The following SYNE1 variants were observed in gnomAD, a reference collection of about 807,000 sequenced individuals.
The protein encoded by SYNE1 is spectrin repeat containing nuclear envelope protein 1, also known as nesprin-1.
Under a neutral mutation model 1,111.0 loss-of-function variants are expected in SYNE1, and 616 were observed. The observed-to-expected ratio is 0.55, with a 90% CI of 0.52 to 0.59. The LOEUF is 0.59. SYNE1 is among the 20% of genes least tolerant of loss of function. SYNE1 has a pLI of 0.00. For synonymous variants in SYNE1, 3,855 were observed against 3,825.8 expected (o/e 1.01, Z -0.28); for missense variants, 10,006 against 10,417.0 (o/e 0.96, Z 1.72).
intron 97 of SYNE1, among the ~76,000 whole-genome samples, chr6:152,278,607 C>T (rs899832508): frequency 2.6e-5 from 4 of 152,136 alleles, no homozygotes; most frequent in African/African-American, 4.8e-5. Context: ...GGACTACAGG[C>T]GCCCACCACT....
At chr6:152,588,051 C>T (rs2099546296) in intron 3 of SYNE1, among the ~76,000 whole-genome samples, 1 of 152,106 alleles carries the variant, frequency 6.6e-6, no homozygotes, top group Non-Finnish European at 1.5e-5. Flanking sequence ...GACATAGATG[C>T]CGTAAAATTT....
chr6:152,359,307 T>C lies in SYNE1; in HGVS notation c.10443+8A>G, dbSNP rs909602004. 2.5e-6 allele frequency: 4 copies of C among 1,613,564 alleles called. No homozygotes were observed. The African/African-American group carries it at 4.0e-5, about 16-fold the overall frequency. Reference sequence around the variant, plus strand: ...TGGTGAGTCTACAAGGAAAGTGCTTTGCCGTACCTTGGCCCTCTCTTGGAT... The same window carrying C: ...TGGTGAGTCTACAAGGAAAGTGCTTCGCCGTACCTTGGCCCTCTCTTGGAT... On this transcript the variant is annotated splice_region_variant and intron_variant, in intron 65 of 145. Transcript: ENST00000367255.
intron 107 of SYNE1, among the ~76,000 whole-genome samples, chr6:152,240,504 T>A (rs1225453970): frequency 6.6e-6 from 1 of 152,328 alleles, no homozygotes; most frequent in East Asian, 1.9e-4. Flanking sequence ...ATCCTACTAA[T>A]GTTTTTGAAA....
Position 152,180,152 on chromosome 6 carries a change from A to C in SYNE1, c.23444T>G (p.Ile7815Arg). The change falls in exon 129 of 146, where the codon ATA (isoleucine) becomes AGA (arginine). Residue 7815 changes from isoleucine to arginine, a missense_variant. Ile to Arg is a moderately conservative substitution (Grantham distance 97). Transcript: ENST00000367255. The part of the protein sequence containing the change: ...QNGDILIEEM[I>R]EKLKKDYQEE... The stretch of plus-strand genomic sequence containing the variant: ...ATTCCATACCTTCTTGAGCTTCTCT[A>C]TCATTTCTTCAATGAGAATGTCTCC... The C allele has an allele frequency of 6.2e-7, 1 of 1,614,114 alleles. No homozygotes were observed. The highest frequency in any genetic ancestry group is 8.5e-7 in the Non-Finnish European group (1 of 1,180,008).
chr6:152,311,026 C>A, intron 87 of SYNE1, 153 bp from the exon 88 acceptor site: 1 of 737,234 alleles, frequency 1.4e-6, no homozygotes, highest in Non-Finnish European at 2.3e-6. Context: ...ACTTGGTAGC[C>A]ACTTACTATT....
intron 104 of SYNE1, among the ~76,000 whole-genome samples, chr6:152,250,210 G>A (rs972992838): frequency 1.3e-5 from 2 of 151,482 alleles, no homozygotes; most frequent in Non-Finnish European, 2.9e-5. Context: ...GTTGAAGTGA[G>A]CTATGATCAC....
chr6:152,363,305 T>A (rs1336733918), intron 63 of SYNE1, among the ~76,000 whole-genome samples: 1 of 145,548 alleles, frequency 6.9e-6, no homozygotes, highest in Non-Finnish European at 1.5e-5. Flanking sequence ...CCATCCTGGC[T>A]AACACAGTGA....
At position 152,410,635 on chromosome 6, in the gene SYNE1, G is replaced by A. The variant is rs2098016042; in HGVS notation, c.6231-926C>T. ...CTGTAATCCTACTTAGGAGGCTAAG[G>A]CATGAGAAAGGCTTGAACTCGGGTG... On this transcript the variant is annotated intron_variant, in intron 42 of 145. Coordinates refer to ENST00000367255, the MANE Select transcript of SYNE1 (RefSeq NM_182961.4). Among the ~76,000 whole-genome samples, 4 of 152,156 alleles carry A rather than the reference G, an allele frequency of 2.6e-5. No individual in the cohort carries two copies. In the South Asian group the frequency reaches 8.3e-4, roughly 32 times the overall value.
chr6:152,391,270 C>T lies in SYNE1; in HGVS notation c.8004+7G>A. The T allele has an allele frequency of 6.2e-7, 1 of 1,613,868 alleles. No individual in the cohort carries two copies. Among genetic ancestry groups the T allele is most frequent in the East Asian group, 2.2e-5 (1 of 44,870 alleles). ...AGTTGTCAGTGTCTGGCTGGTGTCG[C>T]ATGTACCTGTATTTGTGACAGCCGT... On this transcript the variant is annotated splice_region_variant and intron_variant, in intron 52 of 145. Transcript: ENST00000367255.
intron 127 of SYNE1, among the ~76,000 whole-genome samples, chr6:152,196,521 T>C (rs2074160970): frequency 6.6e-6 from 1 of 152,042 alleles, no homozygotes; most frequent in Non-Finnish European, 1.5e-5. Context: ...GACTAGGTCC[T>C]TCCCTTCAAT....
rs6557215 is a variant in SYNE1, at chr6:152,361,973, A to G, written c.10299+197T>C. Among the ~76,000 whole-genome samples, 126,941 of 152,176 alleles carry G rather than the reference A, an allele frequency of 0.83. 53,107 individuals are homozygous for G. The highest frequency in any genetic ancestry group is 0.9 in the African/African-American group (37,243 of 41,528). ...GGATCTACATGGTTTTCCTGGAAGG[A>G]AAAATTTTCACTCACTAATAAAGTA... On this transcript the variant is annotated intron_variant, in intron 64 of 145. Coordinates refer to ENST00000367255, the MANE Select transcript of SYNE1 (RefSeq NM_182961.4).
chr6:152,443,816 T>G (rs1290122199), intron 30 of SYNE1, among the ~76,000 whole-genome samples: 2 of 152,224 alleles, frequency 1.3e-5, no homozygotes, highest in African/African-American at 2.4e-5. Context: ...TATATTCCTT[T>G]TATGCAAACA....
At position 152,208,171 on chromosome 6, in the gene SYNE1, T is replaced by C; in HGVS notation, c.22625A>G (p.Asn7542Ser). ...EFNLKLTLLS[N>S]QWQGVIRRAQ... ...CCTGCGAATCACTCCCTGCCATTGA[T>C]TACTGAGGAGTGTCAATTTCAGGTT... The change falls in exon 125 of 146, where the codon AAT becomes AGT. Residue 7542 changes from asparagine (N) to serine (S), a missense_variant. Physicochemically the swap from Asn to Ser is conservative, Grantham distance 46. Coordinates refer to ENST00000367255, the MANE Select transcript of SYNE1 (RefSeq NM_182961.4). The C allele has an allele frequency of 6.2e-7, 1 of 1,614,108 alleles. No individual in the cohort carries two copies. Among genetic ancestry groups the C allele is most frequent in the Non-Finnish European group, 8.5e-7 (1 of 1,180,016 alleles).
At chr6:152,497,953 T>TACAC (rs138684478) in intron 11 of SYNE1, among the ~76,000 whole-genome samples, 2 of 151,388 alleles carry the variant, frequency 1.3e-5, no homozygotes, top group East Asian at 3.9e-4. Flanking sequence ...CATTCACTCA[T>TACAC]ACACACACAC....
intron 3 of SYNE1, among the ~76,000 whole-genome samples, chr6:152,579,628 G>A (rs2099512709): frequency 6.6e-6 from 1 of 152,152 alleles, no homozygotes; most frequent in Admixed American, 6.5e-5. Flanking sequence ...CAGGTAATGA[G>A]CGTAGTACTC....
intron 112 of SYNE1, 149 bp downstream of exon 112, chr6:152,233,632 A>G: frequency 9.8e-7 from 1 of 1,018,284 alleles, no homozygotes; most frequent in Non-Finnish European, 1.5e-6. Flanking sequence ...GCCAGAGTTC[A>G]CTCTTAATAT....
intron 3 of SYNE1, among the ~76,000 whole-genome samples, 186 bp downstream of exon 3, chr6:152,628,079 C>T (rs2099689793): frequency 7.0e-6 from 1 of 142,384 alleles, no homozygotes; most frequent in Non-Finnish European, 1.5e-5. Flanking sequence ...TTTATCTTTT[C>T]CTTCTATGTA....
intron 30 of SYNE1, among the ~76,000 whole-genome samples, chr6:152,443,229 A>G (rs1453909664): frequency 1.3e-5 from 2 of 152,196 alleles, no homozygotes; most frequent in East Asian, 3.9e-4. Context: ...CCATTTCACA[A>G]TGATTGAGAA....
intron 16 of SYNE1, among the ~76,000 whole-genome samples, chr6:152,467,277 T>C (rs2098775783): frequency 6.6e-6 from 1 of 152,090 alleles, no homozygotes; most frequent in Admixed American, 6.6e-5. Flanking sequence ...CAGACAATAG[T>C]ATTCTGATTA....
Sources: gnomAD v4.1 joint callset for allele counts (sites outside exome capture counted in the v4.1 genomes callset) on GRCh38, gnomAD v4.1.1 for gene constraint, MANE v1.5 for transcripts, NCBI Gene and HGNC (gene_info 2026-07-23, HGNC 2026-07-21) for gene names.